The following SDC2 variants were observed in gnomAD, a reference collection of about 807,000 sequenced individuals.
The protein encoded by SDC2 is syndecan-2.
A neutral mutation model predicts 22.2 loss-of-function variants in SDC2; 13 were observed. The observed-to-expected ratio is 0.59, with a 90% confidence interval of 0.38 to 0.93. The LOEUF is 0.93. Ranked by LOEUF, SDC2 falls within the 40% of genes least tolerant of loss-of-function variation. The pLI, the probability that SDC2 is intolerant of heterozygous loss-of-function variation, is 0.00. For synonymous variants in SDC2, 94 were observed against 92.8 expected (o/e 1.01, Z -0.07); for missense variants, 235 against 246.8 (o/e 0.95, Z 0.32).
At chr8:96,569,164 C>T (rs906394459) in intron 1 of SDC2, among the ~76,000 whole-genome samples, 1 of 152,226 alleles carries the variant, frequency 6.6e-6, no homozygotes, top group East Asian at 1.9e-4. Flanking sequence ...CACACCAACA[C>T]GTCCGGATAA....
chr8:96,587,272 CT>C (rs978879728), intron 1 of SDC2, among the ~76,000 whole-genome samples: 1 of 152,126 alleles, frequency 6.6e-6, no homozygotes, highest in Non-Finnish European at 1.5e-5. Flanking sequence ...TAAGAATTTT[CT>C]TTCATGTGTG....
intron 1 of SDC2, among the ~76,000 whole-genome samples, chr8:96,553,715 A>G (rs530180770): frequency 3.4e-4 from 51 of 152,196 alleles, no homozygotes; most frequent in Non-Finnish European, 6.2e-4. Context: ...TTGCTTCAGA[A>G]TATTGCCTTT....
chr8:96,557,325 C>T (rs528161448), intron 1 of SDC2, among the ~76,000 whole-genome samples: 12 of 126,602 alleles, frequency 9.5e-5, no homozygotes, highest in African/African-American at 2.7e-4. Flanking sequence ...CACATGCACA[C>T]GTATGTTTAT....
At chr8:96,548,718 A>G (rs113334503) in intron 1 of SDC2, among the ~76,000 whole-genome samples, 9 of 152,342 alleles carry the variant, frequency 5.9e-5, no homozygotes, top group African/African-American at 2.2e-4. Context: ...AGCTGTCACC[A>G]GAAACGGGCC....
intron 1 of SDC2, chr8:96,580,375 G>T: frequency 1.0e-6 from 1 of 985,434 alleles, no homozygotes; most frequent in Non-Finnish European, 1.2e-6. Flanking sequence ...ATTTGCCAAA[G>T]CCAGGTATGT....
At chr8:96,534,720 A>G (rs1813724436) in intron 1 of SDC2, among the ~76,000 whole-genome samples, 2 of 151,396 alleles carry the variant, frequency 1.3e-5, no homozygotes, top group Non-Finnish European at 2.9e-5. Context: ...TCCAGGCATG[A>G]GCCACTGTGC....
chr8:96,510,116 A>C (rs1813305903), intron 1 of SDC2, among the ~76,000 whole-genome samples: 1 of 152,216 alleles, frequency 6.6e-6, no homozygotes, highest in Non-Finnish European at 1.5e-5. Context: ...ACAGAAAAGC[A>C]TGTTTGGCCA....
At chr8:96,576,416 C>CTCTTTT (rs1464565464) in intron 1 of SDC2, among the ~76,000 whole-genome samples, 2 of 13,812 alleles carry the variant, frequency 1.4e-4, no homozygotes, top group East Asian at 7.6e-4. Context: ...TTATTATTCT[C>CTCTTTT]TTTTTTTTTT....
At chr8:96,509,032 A>G (rs1389171990) in intron 1 of SDC2, among the ~76,000 whole-genome samples, 1 of 142,166 alleles carries the variant, frequency 7.0e-6, no homozygotes, top group Non-Finnish European at 1.6e-5. Context: ...CTTTTAGCAT[A>G]TTGCTTTAAT....
Position 96,505,457 on chromosome 8 carries a change from A to G in SDC2, c.60+11126A>G, listed in dbSNP as rs187934426. On this transcript the variant is annotated intron_variant, in intron 1 of 4. Coordinates refer to ENST00000302190, the MANE Select transcript of SDC2 (RefSeq NM_002998.4). ...TAGCTGGGACTACAGGTGCACCACCACACGCAGCTACTTTTTGTATTTTTA... is the reference window on the plus strand; with the variant it reads ...TAGCTGGGACTACAGGTGCACCACCGCACGCAGCTACTTTTTGTATTTTTA... Among the ~76,000 whole-genome samples the G allele has an allele frequency of 4.3e-3, 657 of 152,132 alleles. 1 individual carries two copies. Among genetic ancestry groups the G allele is most frequent in the Middle Eastern group, 6.8e-3 (2 of 294 alleles).
intron 1 of SDC2, among the ~76,000 whole-genome samples, chr8:96,569,818 C>T (rs1814361032): frequency 2.0e-5 from 3 of 152,132 alleles, no homozygotes; most frequent in Admixed American, 2.0e-4. Flanking sequence ...TCTGGCTCCT[C>T]CTGTACTGCT....
chr8:96,572,077 C>CT (rs2130585136), intron 1 of SDC2, among the ~76,000 whole-genome samples: 1 of 152,262 alleles, frequency 6.6e-6, no homozygotes, highest in African/African-American at 2.4e-5. Context: ...CTCGTGGAGG[C>CT]TGCTGCCACC....
chr8:96,513,004 T>C (rs537090979), intron 1 of SDC2, among the ~76,000 whole-genome samples: 12 of 152,204 alleles, frequency 7.9e-5, no homozygotes, highest in Non-Finnish European at 1.6e-4. Flanking sequence ...TTATACTTTA[T>C]ACTTAGTACT....
At chr8:96,581,364 C>T (rs1191399987) in intron 1 of SDC2, among the ~76,000 whole-genome samples, 2 of 152,178 alleles carry the variant, frequency 1.3e-5, no homozygotes, top group African/African-American at 2.4e-5. Flanking sequence ...CATGGTGGCT[C>T]ACGCCTGTAA....
At chr8:96,582,885 C>T (rs1814612527) in intron 1 of SDC2, among the ~76,000 whole-genome samples, 2 of 152,038 alleles carry the variant, frequency 1.3e-5, no homozygotes, top group South Asian at 4.2e-4. Context: ...TTGAAATAAC[C>T]CAGGAGCAAG....
At chr8:96,508,379 G>A (rs2130435880) in intron 1 of SDC2, among the ~76,000 whole-genome samples, 1 of 150,856 alleles carries the variant, frequency 6.6e-6, no homozygotes, top group South Asian at 2.1e-4. Flanking sequence ...TGTACTCCCA[G>A]CTCCTCAGGA....
intron 1 of SDC2, among the ~76,000 whole-genome samples, chr8:96,546,207 T>A (rs6999386): frequency 0.18 from 27,467 of 152,108 alleles, 2,831 homozygotes; most frequent in East Asian, 0.33. Context: ...CAGAGACTGG[T>A]CTAGTTGGAG....
chr8:96,512,497 T>C (rs2130443207), intron 1 of SDC2, among the ~76,000 whole-genome samples: 1 of 152,266 alleles, frequency 6.6e-6, no homozygotes, highest in East Asian at 1.9e-4. Context: ...TAGAAAAGGA[T>C]TGGTTCCCCC....
intron 1 of SDC2, among the ~76,000 whole-genome samples, chr8:96,508,529 T>C (rs1813284286): frequency 1.0e-5 from 1 of 98,016 alleles, no homozygotes; most frequent in Admixed American, 9.5e-5. Context: ...GTTTATAAAT[T>C]TTATCATAAC....
Sources: allele counts gnomAD v4.1 joint callset (sites outside exome capture counted in the v4.1 genomes callset), GRCh38; gene constraint gnomAD v4.1.1; transcripts MANE v1.5; gene names NCBI Gene and HGNC (gene_info 2026-07-23, HGNC 2026-07-21).